TSHZ2: variants seen among roughly 807,000 people sequenced by gnomAD.
TSHZ2 encodes teashirt homolog 2.
TSHZ2 carries 21 observed loss-of-function variants against 74.4 expected under a neutral mutation model. That is an observed-to-expected ratio of 0.28 (90% CI 0.20 to 0.41). The LOEUF (loss-of-function observed/expected upper bound fraction) is 0.41. Among genes scored for constraint, TSHZ2 ranks in the 10% least tolerant of loss-of-function variants. The probability of loss-of-function intolerance (pLI) is 1.00; values close to 1 mark genes in which losing one functional copy is unlikely to be tolerated. For missense variants in TSHZ2, 1,244 were observed against 1,293.5 expected (o/e 0.96, Z 0.59); for synonymous variants, 540 against 515.3 (o/e 1.05, Z -0.65).
At chr20:53,180,725 G>A (rs1206523802) in intron 1 of TSHZ2, among the ~76,000 whole-genome samples, 4 of 152,108 alleles carry the variant, frequency 2.6e-5, no homozygotes, top group African/African-American at 9.7e-5. Context: ...CAGAATGTAT[G>A]TATGTAAGAA....
rs145207146 is a variant in TSHZ2 at position 53,167,647 on chromosome 20, G to C, written c.41-85852G>C. 2.4e-3 allele frequency among the ~76,000 whole-genome samples: 370 copies of C among 152,144 alleles called. 4 individuals carry two copies. The highest frequency in any genetic ancestry group is 8.7e-3 in the African/African-American group (361 of 41,504). On this transcript the variant is annotated intron_variant, in intron 1 of 2. Coordinates refer to ENST00000371497, the MANE Select transcript of TSHZ2 (RefSeq NM_173485.6). ...AGGTATTCCTCATATCATATCAATT[G>C]GATGGCAGTTTAATTCATAATGTCT...
At chr20:53,455,258 C>T (rs1000192569) in intron 2 of TSHZ2, 17 of 152,288 alleles carry the variant, frequency 1.1e-4, no homozygotes, top group African/African-American at 4.1e-4. Context: ...GCACTCACCT[C>T]ATCTGACGTG....
chr20:52,999,489 G>A (rs1393540677), intron 1 of TSHZ2, among the ~76,000 whole-genome samples: 1 of 152,204 alleles, frequency 6.6e-6, no homozygotes, highest in Admixed American at 6.5e-5. Context: ...TGTGCGATAG[G>A]TCTCCTCAGT....
chr20:53,462,668 T>C (rs1057081221), intron 2 of TSHZ2, among the ~76,000 whole-genome samples: 3 of 152,178 alleles, frequency 2.0e-5, no homozygotes, highest in Non-Finnish European at 4.4e-5. Flanking sequence ...AAAATACATA[T>C]CATAGCTGCT....
At chr20:53,058,047 G>A (rs1984698084) in intron 1 of TSHZ2, among the ~76,000 whole-genome samples, 1 of 152,156 alleles carries the variant, frequency 6.6e-6, no homozygotes, top group Admixed American at 6.5e-5. Context: ...CTCAGATCAA[G>A]CATAAGTTAG....
At chr20:53,469,838 AAGGGAGGGAGGG>A (rs759332615) in intron 2 of TSHZ2, among the ~76,000 whole-genome samples, 17 of 90,894 alleles carry the variant, frequency 1.9e-4, no homozygotes, top group African/African-American at 6.6e-4. Context: ...GAGAGGGAGG[AAGGGAGGGAGGG>A]AGGAAGGAAG....
intron 2 of TSHZ2, among the ~76,000 whole-genome samples, chr20:53,330,723 C>A (rs1979690366): frequency 6.6e-6 from 1 of 152,152 alleles, no homozygotes; most frequent in African/African-American, 2.4e-5. Flanking sequence ...TGAAATGTGA[C>A]CAGGGAATCA....
At chr20:53,402,525 C>T (rs559841758) in intron 2 of TSHZ2, among the ~76,000 whole-genome samples, 1 of 152,218 alleles carries the variant, frequency 6.6e-6, no homozygotes, top group East Asian at 1.9e-4. Context: ...ATAATGAAAT[C>T]ACCTAAGGAT....
chr20:53,358,029 C>T (rs575467576), intron 2 of TSHZ2, among the ~76,000 whole-genome samples: 4 of 152,230 alleles, frequency 2.6e-5, no homozygotes, highest in Middle Eastern at 3.4e-3. Context: ...CTGGAAAGAA[C>T]CAGGGAGAGA....
chr20:53,100,886 C>T (rs1175583753), intron 1 of TSHZ2, among the ~76,000 whole-genome samples: 2 of 152,184 alleles, frequency 1.3e-5, no homozygotes, highest in African/African-American at 4.8e-5. Context: ...GCCAGAGGCA[C>T]ACCCAGCATT....
At chr20:53,069,729 C>CGA (rs1555821691) in intron 1 of TSHZ2, among the ~76,000 whole-genome samples, 7 of 145,314 alleles carry the variant, frequency 4.8e-5, no homozygotes, top group Non-Finnish European at 9.0e-5. Context: ...TTCCATATAA[C>CGA]GAGAGGAAAA....
chr20:53,090,302 C>G (rs1859719891), intron 1 of TSHZ2, among the ~76,000 whole-genome samples: 1 of 152,180 alleles, frequency 6.6e-6, no homozygotes. Context: ...ATGTTAATCT[C>G]CTTTGTCAAC....
intron 2 of TSHZ2, among the ~76,000 whole-genome samples, chr20:53,395,009 A>AAGCTGC (rs1421832914): frequency 1.3e-5 from 2 of 152,160 alleles, no homozygotes; most frequent in Non-Finnish European, 2.9e-5. Context: ...CAAAGCCTAG[A>AAGCTGC]AGCTGCGCTA....
chr20:53,190,086 AATATATATATATATAT>A (rs544193424), intron 1 of TSHZ2, among the ~76,000 whole-genome samples: 294 of 25,106 alleles, frequency 0.012, 19 homozygotes, highest in African/African-American at 0.015. Flanking sequence ...CCCTGTCTCA[AATATATATATATATAT>A]ATATATATAT....
intron 2 of TSHZ2, among the ~76,000 whole-genome samples, chr20:53,357,425 G>A (rs1267172554): frequency 6.6e-6 from 1 of 152,066 alleles, no homozygotes; most frequent in African/African-American, 2.4e-5. Context: ...AACACTTTGG[G>A]AGGCTGAAGT....
intron 1 of TSHZ2, among the ~76,000 whole-genome samples, chr20:53,202,525 G>A (rs1043874998): frequency 3.9e-5 from 6 of 152,040 alleles, no homozygotes; most frequent in African/African-American, 9.7e-5. Context: ...ACTGAGCTCG[G>A]TGCTTTATGT....
chr20:53,128,582 C>T (rs999669088), intron 1 of TSHZ2, among the ~76,000 whole-genome samples: 5 of 152,072 alleles, frequency 3.3e-5, no homozygotes, highest in South Asian at 2.1e-4. Flanking sequence ...GGTATCAATT[C>T]GCTATATTAT....
chr20:53,353,271 C>T (rs867901712), intron 2 of TSHZ2, among the ~76,000 whole-genome samples: 1 of 152,112 alleles, frequency 6.6e-6, no homozygotes, highest in Admixed American at 6.5e-5. Context: ...AGAGTGTGAG[C>T]GGGTTGCTGA....
chr20:53,337,013 TG>T (rs1979976744), intron 2 of TSHZ2, among the ~76,000 whole-genome samples: 2 of 152,214 alleles, frequency 1.3e-5, no homozygotes, highest in South Asian at 4.1e-4. Flanking sequence ...CATACAAGTG[TG>T]TATACATATA....
Sources: allele counts gnomAD v4.1 joint callset (sites outside exome capture counted in the v4.1 genomes callset), GRCh38; gene constraint gnomAD v4.1.1; transcripts MANE v1.5; gene names NCBI Gene and HGNC (gene_info 2026-07-23, HGNC 2026-07-21).